Variants in NUBPL observed in about 807,000 individuals in gnomAD.
The protein encoded by NUBPL is NUBP iron-sulfur cluster assembly factor, mitochondrial.
NUBPL carries 31 observed loss-of-function variants against 45.7 expected under a neutral mutation model. The ratio of observed to expected loss-of-function variants is 0.68; its 90% CI spans 0.51 to 0.92. The LOEUF is 0.92. Ranked by LOEUF, NUBPL falls within the 40% of genes least tolerant of loss-of-function variation. The pLI, the probability that NUBPL is intolerant of heterozygous loss-of-function variation, is 0.00. For missense variants in NUBPL, 401 were observed against 398.7 expected (o/e 1.01, Z -0.05); for synonymous variants, 144 against 140.9 (o/e 1.02, Z -0.15).
At chr14:31,857,475 A>G (rs1005620760) in intron 10 of NUBPL, among the ~76,000 whole-genome samples, 2 of 152,144 alleles carry the variant, frequency 1.3e-5, no homozygotes, top group Admixed American at 1.3e-4. Flanking sequence ...AGCAGGCTTG[A>G]ATTTCTCCTC....
In NUBPL at chr14:31,564,941, A is replaced by C. The variant is rs3759779; in HGVS notation, c.257-73A>C. ...ATGAAATTATTAAAAATTACATGAAAATATTAAAAGATAAAATGAATTTTA... is the reference window on the plus strand; with the variant it reads ...ATGAAATTATTAAAAATTACATGAACATATTAAAAGATAAAATGAATTTTA... On this transcript the variant is annotated intron_variant, in intron 2 of 10. Coordinates refer to ENST00000281081, the MANE Select transcript of NUBPL (RefSeq NM_025152.3). 5.1e-6 allele frequency: 4 copies of C among 782,412 alleles called. No individual in the cohort carries two copies. The South Asian group carries it at 5.2e-5, about 10-fold the overall frequency. The allele number at this position is 782,412 out of a possible 1,614,324, so 48.5% of individuals were successfully genotyped here.
chr14:31,770,542 A>G (rs2038990742), intron 6 of NUBPL, among the ~76,000 whole-genome samples: 1 of 152,198 alleles, frequency 6.6e-6, no homozygotes, highest in Non-Finnish European at 1.5e-5. Flanking sequence ...TACAGGAGTA[A>G]TTGAGGAAGT....
intron 7 of NUBPL, among the ~76,000 whole-genome samples, chr14:31,806,918 A>G (rs549479733): frequency 6.6e-6 from 1 of 152,300 alleles, no homozygotes; most frequent in Admixed American, 6.5e-5. Flanking sequence ...GATGGTTTCT[A>G]GTTTCATCCA....
intron 4 of NUBPL, among the ~76,000 whole-genome samples, chr14:31,652,257 G>T (rs950365412): frequency 6.6e-6 from 1 of 152,158 alleles, no homozygotes; most frequent in African/African-American, 2.4e-5. Flanking sequence ...GGAACTCAGA[G>T]AATTAGAGAG....
In NUBPL at chr14:31,669,809, G is replaced by GTTTTTT. The variant is rs35705230; in HGVS notation, c.383-3538_383-3533dup. On this transcript the variant is annotated intron_variant, in intron 4 of 10. Transcript: ENST00000281081. ...AGACATGATCTTGGTTTTTTTTTTT[G>GTTTTTT]TTTTTTTTTTTTTACGGCTGCCTAG... is the stretch of plus-strand genomic sequence containing the variant. Among the ~76,000 whole-genome samples the GTTTTTT allele has an allele frequency of 1.6e-4, 8 of 51,530 alleles. No individual in the cohort carries two copies. The East Asian group carries it at 3.7e-3, about 24-fold the overall frequency. The allele number at this position is 51,530 out of a possible 152,430, so 33.8% of individuals were successfully genotyped here.
intron 6 of NUBPL, among the ~76,000 whole-genome samples, chr14:31,719,566 G>T (rs529708770): frequency 3.3e-5 from 5 of 151,998 alleles, no homozygotes; most frequent in Non-Finnish European, 2.9e-5. Flanking sequence ...CTTGGAGTCT[G>T]GTCCTGTCAC....
At chr14:31,641,000 G>A (rs540293592) in intron 4 of NUBPL, among the ~76,000 whole-genome samples, 222 of 152,116 alleles carry the variant, frequency 1.5e-3, no homozygotes, top group Non-Finnish European at 2.8e-3. Context: ...TCACCAGGCT[G>A]GAGTGCAGTG....
chr14:31,729,721 A>ATTCTAAT lies in NUBPL; in HGVS notation c.513+56147_513+56148insTTCTAAT, dbSNP rs1482874842. ...TATTAAGTTGGTGTAAAAGTAATTG[A>ATTCTAAT]AGTTTTTGCCATTTTTTTAAAATGG... On this transcript the variant is annotated intron_variant, in intron 6 of 10. Transcript: ENST00000281081. 6.6e-4 allele frequency among the ~76,000 whole-genome samples: 101 copies of ATTCTAAT among 152,242 alleles called. 1 individual carries two copies. The highest frequency in any genetic ancestry group is 2.1e-3 in the African/African-American group (88 of 41,554).
At chr14:31,714,803 AG>A (rs1214171899) in intron 6 of NUBPL, 2 of 152,246 alleles carry the variant, frequency 1.3e-5, no homozygotes, top group Non-Finnish European at 2.9e-5. Flanking sequence ...TTTTTAAAAA[AG>A]TAAATAATAA....
intron 6 of NUBPL, among the ~76,000 whole-genome samples, chr14:31,675,925 T>A (rs2036684471): frequency 6.6e-6 from 1 of 152,224 alleles, no homozygotes. Context: ...GGTCCCCTTC[T>A]GTTTCATCCC....
At chr14:31,679,278 T>C (rs1007708096) in intron 6 of NUBPL, among the ~76,000 whole-genome samples, 1 of 152,156 alleles carries the variant, frequency 6.6e-6, no homozygotes, top group Non-Finnish European at 1.5e-5. Flanking sequence ...TTGGTTCTTA[T>C]GTAGGTTTTG....
In NUBPL at chr14:31,694,750, A is replaced by G. The variant is rs141901532; in HGVS notation, c.513+21176A>G. 4.3e-4 allele frequency among the ~76,000 whole-genome samples: 65 copies of G among 152,228 alleles called. 1 individual carries two copies. In the East Asian group the frequency reaches 0.011, roughly 26 times the overall value. ...AGGCTGGTCTGGAACTCCTGACCTC[A>G]TGATCTGCCCGCCTCGGCCTTTCAA... is the stretch of plus-strand genomic sequence containing the variant. On this transcript the variant is annotated intron_variant, in intron 6 of 10. Coordinates refer to ENST00000281081, the MANE Select transcript of NUBPL (RefSeq NM_025152.3).
chr14:31,856,817 C>T (rs577801363), intron 10 of NUBPL, among the ~76,000 whole-genome samples: 1 of 152,294 alleles, frequency 6.6e-6, no homozygotes, highest in African/African-American at 2.4e-5. Context: ...GCAGCTTTGC[C>T]CCTGTAGTTT....
intron 6 of NUBPL, among the ~76,000 whole-genome samples, chr14:31,767,459 C>T (rs554039022): frequency 3.3e-5 from 5 of 152,200 alleles, no homozygotes; most frequent in African/African-American, 4.8e-5. Flanking sequence ...ATGATCCGCC[C>T]GCCTCAGCCT....
intron 4 of NUBPL, among the ~76,000 whole-genome samples, chr14:31,605,428 C>T (rs773196792): frequency 6.6e-6 from 1 of 152,138 alleles, no homozygotes; most frequent in Non-Finnish European, 1.5e-5. Context: ...AGAGAGTTTA[C>T]TAAAATGGAT....
chr14:31,810,968 G>A (rs963670311), intron 7 of NUBPL, among the ~76,000 whole-genome samples: 17 of 152,212 alleles, frequency 1.1e-4, no homozygotes, highest in Non-Finnish European at 2.5e-4. Flanking sequence ...TGGCTTGTAG[G>A]GTTTCTGGCG....
At chr14:31,590,967 C>G (rs550522016) in intron 3 of NUBPL, among the ~76,000 whole-genome samples, 1 of 152,164 alleles carries the variant, frequency 6.6e-6, no homozygotes, top group South Asian at 2.1e-4. Context: ...TCCCTCCTTA[C>G]TAAATGAAAA....
At chr14:31,711,228 G>A (rs961688363) in intron 6 of NUBPL, among the ~76,000 whole-genome samples, 1 of 152,142 alleles carries the variant, frequency 6.6e-6, no homozygotes, top group African/African-American at 2.4e-5. Context: ...CGGCCCAGAA[G>A]TACAGGAAAA....
intron 3 of NUBPL, among the ~76,000 whole-genome samples, chr14:31,573,564 G>C (rs966698804): frequency 4.6e-5 from 7 of 151,884 alleles, no homozygotes; most frequent in Non-Finnish European, 4.4e-5. Context: ...ATGTTTTTTT[G>C]GTGGAATATA....
Sources: allele counts gnomAD v4.1 joint callset (sites outside exome capture counted in the v4.1 genomes callset), GRCh38; gene constraint gnomAD v4.1.1; transcripts MANE v1.5; gene names NCBI Gene and HGNC (gene_info 2026-07-23, HGNC 2026-07-21).